CNTNAP2: variants seen among roughly 807,000 people sequenced by gnomAD.
CNTNAP2 encodes contactin-associated protein-like 2.
A neutral mutation model predicts 155.2 loss-of-function variants in CNTNAP2; 98 were observed. That is an observed-to-expected ratio of 0.63 (90% CI 0.54 to 0.75). The LOEUF (loss-of-function observed/expected upper bound fraction) is 0.75. Among genes scored for constraint, CNTNAP2 ranks in the 30% least tolerant of loss-of-function variants. The pLI is 0.00. For missense variants in CNTNAP2, 1,727 were observed against 1,688.1 expected (o/e 1.02, Z -0.40); for synonymous variants, 651 against 631.2 (o/e 1.03, Z -0.47).
chr7:147,319,997 G>A (rs2620458), intron 9 of CNTNAP2, among the ~76,000 whole-genome samples: 79,961 of 151,948 alleles, frequency 0.53, 21,842 homozygotes, highest in East Asian at 0.73. Context: ...ACAGCCATAG[G>A]CAATACAAAA....
At chr7:147,379,814 T>G (rs1222338602) in intron 9 of CNTNAP2, among the ~76,000 whole-genome samples, 1 of 152,008 alleles carries the variant, frequency 6.6e-6, no homozygotes, top group African/African-American at 2.4e-5. Flanking sequence ...GATTTCTAAT[T>G]CTGTTTGGCC....
chr7:147,606,411 G>T (rs1193269123), intron 12 of CNTNAP2, among the ~76,000 whole-genome samples: 1 of 152,104 alleles, frequency 6.6e-6, no homozygotes, highest in Non-Finnish European at 1.5e-5. Context: ...TTTTAATTCC[G>T]AAATCAGAGA....
intron 15 of CNTNAP2, among the ~76,000 whole-genome samples, chr7:148,004,910 G>A (rs1323162752): frequency 2.0e-5 from 3 of 152,150 alleles, no homozygotes; most frequent in Non-Finnish European, 4.4e-5. Context: ...AATCCAGTTA[G>A]CTTATGAGGC....
At chr7:148,117,832 T>A (rs1214835857) in intron 15 of CNTNAP2, among the ~76,000 whole-genome samples, 1 of 150,266 alleles carries the variant, frequency 6.7e-6, no homozygotes, top group African/African-American at 2.4e-5. Context: ...AATATTTTAT[T>A]GTACAATTTA....
At chr7:147,074,013 G>T (rs536610725) in intron 4 of CNTNAP2, among the ~76,000 whole-genome samples, 1 of 152,130 alleles carries the variant, frequency 6.6e-6, no homozygotes, top group African/African-American at 2.4e-5. Flanking sequence ...TTGGAATCAA[G>T]ATGGTGAATT....
chr7:147,556,491 T>C (rs1414832010), intron 11 of CNTNAP2, among the ~76,000 whole-genome samples: 1 of 152,168 alleles, frequency 6.6e-6, no homozygotes, highest in African/African-American at 2.4e-5. Flanking sequence ...TCCTGGATTA[T>C]CTGGGTGGCT....
intron 3 of CNTNAP2, among the ~76,000 whole-genome samples, chr7:146,941,892 T>A (rs1308503579): frequency 6.6e-6 from 1 of 152,104 alleles, no homozygotes; most frequent in Non-Finnish European, 1.5e-5. Flanking sequence ...ATATGTTATT[T>A]GCTGCTTTAG....
intron 1 of CNTNAP2, among the ~76,000 whole-genome samples, chr7:146,516,259 G>A (rs1482173450): frequency 6.6e-6 from 1 of 152,006 alleles, no homozygotes; most frequent in Admixed American, 6.6e-5. Context: ...GTGCCAGATT[G>A]AGCCAACCAT....
intron 21 of CNTNAP2, among the ~76,000 whole-genome samples, chr7:148,350,654 G>A (rs946691009): frequency 1.3e-5 from 2 of 152,186 alleles, no homozygotes; most frequent in African/African-American, 4.8e-5. Flanking sequence ...TATATCATTA[G>A]TTATTAGAGG....
At chr7:146,284,457 A>G (rs775917092) in intron 1 of CNTNAP2, among the ~76,000 whole-genome samples, 1 of 152,112 alleles carries the variant, frequency 6.6e-6, no homozygotes, top group African/African-American at 2.4e-5. Context: ...ATTTTGAAAG[A>G]TTACAACTTG....
chr7:147,616,974 G>A (rs775235690), intron 12 of CNTNAP2, among the ~76,000 whole-genome samples: 10 of 152,064 alleles, frequency 6.6e-5, no homozygotes, highest in East Asian at 3.9e-4. Context: ...CCACGCCTAC[G>A]ATCGTGTGCT....
intron 22 of CNTNAP2, among the ~76,000 whole-genome samples, chr7:148,387,875 G>A (rs1356223685): frequency 6.6e-6 from 1 of 150,536 alleles, no homozygotes; most frequent in Non-Finnish European, 1.5e-5. Context: ...CTGAAAACTG[G>A]TTGCAGTAAA....
intron 15 of CNTNAP2, among the ~76,000 whole-genome samples, chr7:148,111,560 T>C (rs1032759786): frequency 3.0e-4 from 44 of 148,730 alleles, no homozygotes; most frequent in African/African-American, 1.0e-3. Flanking sequence ...CTAAAATAAA[T>C]AGGTGTTTGA....
Position 146,688,394 on chromosome 7 carries a change from T to C in CNTNAP2, c.98-85877T>C, listed in dbSNP as rs191689385. 3.5e-4 allele frequency among the ~76,000 whole-genome samples: 53 copies of C among 152,248 alleles called. 1 individual carries two copies. Among genetic ancestry groups the C allele is most frequent in the African/African-American group, 1.2e-3 (50 of 41,560 alleles). ...GGCTTTGTGTGAGCAATAAAGCTTT[T>C]TAATCACCTGGGTGCAGGCCAACTG... is the stretch of plus-strand genomic sequence containing the variant. On this transcript the variant is annotated intron_variant, in intron 1 of 23. Transcript: ENST00000361727.
chr7:147,763,645 G>A (rs1189236656), intron 13 of CNTNAP2, among the ~76,000 whole-genome samples: 3 of 152,060 alleles, frequency 2.0e-5, no homozygotes, highest in Non-Finnish European at 2.9e-5. Context: ...CAAGTTCTAC[G>A]AACTGGAAAG....
chr7:147,313,461 A>G (rs9640237), intron 9 of CNTNAP2, among the ~76,000 whole-genome samples: 69,814 of 148,286 alleles, frequency 0.47, 17,361 homozygotes, highest in East Asian at 0.69. Context: ...GAAGGGATCC[A>G]GTTTCAGCTT....
chr7:147,126,085 A>G (rs1330588564), intron 6 of CNTNAP2, among the ~76,000 whole-genome samples: 1 of 152,208 alleles, frequency 6.6e-6, no homozygotes, highest in Non-Finnish European at 1.5e-5. Flanking sequence ...AGAATCGCAT[A>G]CAGCCCTTCC....
intron 10 of CNTNAP2, among the ~76,000 whole-genome samples, chr7:147,426,329 G>T (rs1797376858): frequency 6.6e-6 from 1 of 152,012 alleles, no homozygotes; most frequent in South Asian, 2.1e-4. Flanking sequence ...CCAACTAAGT[G>T]CTTCTTTGGT....
chr7:147,117,118 C>A (rs1459465078), intron 5 of CNTNAP2, among the ~76,000 whole-genome samples: 2 of 152,114 alleles, frequency 1.3e-5, no homozygotes, highest in East Asian at 1.9e-4. Context: ...GGATTCTGCC[C>A]CCTTCCTAGG....
Sources: allele counts gnomAD v4.1 joint callset (sites outside exome capture counted in the v4.1 genomes callset), GRCh38; gene constraint gnomAD v4.1.1; transcripts MANE v1.5; gene names NCBI Gene and HGNC (gene_info 2026-07-23, HGNC 2026-07-21).